Variants in TMEM245 observed in about 807,000 individuals in gnomAD.
The protein encoded by TMEM245 is protein CG-2.
Under a neutral mutation model 101.2 loss-of-function variants are expected in TMEM245, and 69 were observed. The observed-to-expected ratio is 0.68, with a 90% CI of 0.56 to 0.83. The LOEUF (loss-of-function observed/expected upper bound fraction) is 0.83, where lower values mean the gene tolerates loss of function less well. Ranked by LOEUF, TMEM245 falls within the 40% of genes least tolerant of loss-of-function variation. The pLI is 0.00. For missense variants in TMEM245, 1,075 were observed against 1,092.8 expected, an observed-to-expected ratio of 0.98 and a Z score of 0.23; for synonymous variants, 537 against 449.8, an observed-to-expected ratio of 1.19 and a Z score of -2.45.
At chr9:109,085,116 ATTTT>A (rs1218162587) in intron 7 of TMEM245, among the ~76,000 whole-genome samples, 2 of 152,114 alleles carry the variant, frequency 1.3e-5, no homozygotes, top group Admixed American at 1.3e-4. Flanking sequence ...TGAAATTATT[ATTTT>A]TTTAAGAAAC....
intron 12 of TMEM245, among the ~76,000 whole-genome samples, chr9:109,056,041 G>C (rs760475010): frequency 6.6e-6 from 1 of 152,144 alleles, no homozygotes; most frequent in Middle Eastern, 3.2e-3. Context: ...CCATGTTAAA[G>C]GCCCAATATC....
Position 109,038,082 on chromosome 9 carries a change from A to G in TMEM245, c.2159T>C (p.Phe720Ser), listed in dbSNP as rs1828192329. The change falls in exon 15 of 18, where the codon TTC (phenylalanine) becomes TCC (serine). Residue 720 changes from phenylalanine to serine, a missense_variant. Phe to Ser is a radical substitution (Grantham distance 155). Coordinates refer to ENST00000374586, the MANE Select transcript of TMEM245 (RefSeq NM_032012.4). Reference protein sequence around the residue: ...VFDASLKMAGFYGLYTWLTHT... With the variant: ...VFDASLKMAGSYGLYTWLTHT... Reference sequence around the variant, plus strand: ...AGTCAGCCAGGTATACAATCCATAGAAGCCAGCCATTTTGAGGGAAGCATC... The same window carrying G: ...AGTCAGCCAGGTATACAATCCATAGGAGCCAGCCATTTTGAGGGAAGCATC... The G allele has an allele frequency of 6.2e-7, 1 of 1,613,434 alleles. No individual in the cohort carries two copies.
At chr9:109,062,682 C>A (rs1829051229) in intron 10 of TMEM245, among the ~76,000 whole-genome samples, 1 of 152,142 alleles carries the variant, frequency 6.6e-6, no homozygotes, top group Admixed American at 6.6e-5. Context: ...TATAATAAAG[C>A]CATTTGGCCA....
intron 14 of TMEM245, among the ~76,000 whole-genome samples, chr9:109,044,848 C>T (rs1188501438): frequency 6.6e-6 from 1 of 151,664 alleles, no homozygotes; most frequent in Middle Eastern, 3.2e-3. Context: ...CAACCTCCAC[C>T]ACCTGGGTTC....
chr9:109,111,820 T>C (rs2132661476), intron 1 of TMEM245, among the ~76,000 whole-genome samples: 1 of 151,068 alleles, frequency 6.6e-6, no homozygotes, highest in East Asian at 1.9e-4. Flanking sequence ...ATGGTGAAAA[T>C]ATACTCAACA....
chr9:109,054,070 C>T (rs903378001), intron 12 of TMEM245, among the ~76,000 whole-genome samples: 1 of 152,184 alleles, frequency 6.6e-6, no homozygotes, highest in Non-Finnish European at 1.5e-5. Flanking sequence ...GTGGCTCATG[C>T]CTGTAATCCC....
In TMEM245 at chr9:109,067,506, G is replaced by T. The variant is rs542062078; in HGVS notation, c.1533-2939C>A. ...CTCTATCACCTACTACCTACCAAGAGAACAACCCTGATTAAAAACAACTTA... is the reference window on the plus strand; with the variant it reads ...CTCTATCACCTACTACCTACCAAGATAACAACCCTGATTAAAAACAACTTA... On this transcript the variant is annotated intron_variant, in intron 9 of 17. Coordinates refer to ENST00000374586, the MANE Select transcript of TMEM245 (RefSeq NM_032012.4). Among the ~76,000 whole-genome samples, 5 of 152,248 alleles carry T rather than the reference G, an allele frequency of 3.3e-5. 1 individual carries two copies. In the East Asian group the frequency reaches 9.6e-4, roughly 29 times the overall value.
chr9:109,087,038 A>T, intron 6 of TMEM245, 135 bp downstream of exon 6: 1 of 765,058 alleles, frequency 1.3e-6, no homozygotes. Context: ...AATTTTAAAC[A>T]TTAAACTTTC....
At chr9:109,113,616 T>C (rs1352014441) in intron 1 of TMEM245, among the ~76,000 whole-genome samples, 1 of 152,262 alleles carries the variant, frequency 6.6e-6, no homozygotes, top group African/African-American at 2.4e-5. Flanking sequence ...TTCACACGAT[T>C]ATCCACATAT....
intron 3 of TMEM245, among the ~76,000 whole-genome samples, chr9:109,105,478 C>T (rs557100744): frequency 5.3e-4 from 80 of 152,310 alleles, no homozygotes; most frequent in African/African-American, 1.8e-3. Context: ...AATTACCATA[C>T]GACCCAGTAA....
rs190574998 is a variant in TMEM245, at chr9:109,089,226, C to G, written c.1150+1696G>C. Reference sequence around the variant, plus strand: ...TGGTGAATGGGTGACAAAGTGAGACCTTGTCTCAAAAAAAAAAAAAATACA... The same window carrying G: ...TGGTGAATGGGTGACAAAGTGAGACGTTGTCTCAAAAAAAAAAAAAATACA... On this transcript the variant is annotated intron_variant, in intron 5 of 17. Transcript: ENST00000374586. Among the ~76,000 whole-genome samples the G allele has an allele frequency of 5.0e-3, 696 of 140,532 alleles. 5 individuals carry two copies. The highest frequency in any genetic ancestry group is 0.016 in the African/African-American group (671 of 40,982). 92.2% of individuals were successfully genotyped at this position (140,532 alleles called of 152,430 possible).
chr9:109,028,371 T>C (rs1827850022), intron 17 of TMEM245, among the ~76,000 whole-genome samples: 1 of 151,850 alleles, frequency 6.6e-6, no homozygotes, highest in Admixed American at 6.6e-5. Flanking sequence ...GGAGAATCAT[T>C]TGAATCCGGG....
At chr9:109,048,651 A>G (rs915421255) in intron 14 of TMEM245, among the ~76,000 whole-genome samples, 2 of 152,218 alleles carry the variant, frequency 1.3e-5, no homozygotes, top group Non-Finnish European at 2.9e-5. Flanking sequence ...AGTCTTGTTA[A>G]TGAGGAATGA....
chr9:109,034,863 G>A (rs1188092616), intron 16 of TMEM245, among the ~76,000 whole-genome samples: 12 of 151,998 alleles, frequency 7.9e-5, no homozygotes, highest in Admixed American at 7.9e-4. Flanking sequence ...AACGTTTAAA[G>A]ACAGTATTTT....
chr9:109,032,804 G>A (rs1176716010), intron 17 of TMEM245, among the ~76,000 whole-genome samples: 1 of 139,176 alleles, frequency 7.2e-6, no homozygotes, highest in Non-Finnish European at 1.6e-5. Flanking sequence ...ACCCAATATA[G>A]GTCTTTTTTT....
chr9:109,034,424 C>T (rs1030308897), intron 16 of TMEM245, among the ~76,000 whole-genome samples: 6 of 152,158 alleles, frequency 3.9e-5, no homozygotes, highest in Admixed American at 3.3e-4. Context: ...AAACTTCTTC[C>T]CTAAACAACA....
intron 1 of TMEM245, among the ~76,000 whole-genome samples, chr9:109,116,841 T>C (rs1830736310): frequency 1.3e-5 from 2 of 152,106 alleles, no homozygotes; most frequent in South Asian, 2.1e-4. Context: ...ATCAGCACTT[T>C]TGGATAAGAG....
intron 3 of TMEM245, among the ~76,000 whole-genome samples, chr9:109,096,131 C>G (rs941413763): frequency 6.6e-6 from 1 of 152,200 alleles, no homozygotes; most frequent in African/African-American, 2.4e-5. Context: ...TATAGCAGAG[C>G]TGGATGAAGA....
At position 109,020,450 on chromosome 9, in the gene TMEM245, G is replaced by A; in HGVS notation, c.*10C>T. On this transcript the variant is annotated 3_prime_UTR_variant, in exon 18 of 18. Transcript: ENST00000374586. ...AACTTCCTAGAAAAATCACTGCAGAGGAAACCACATCAACCTACTGAAGAT... is the reference window on the plus strand; with the variant it reads ...AACTTCCTAGAAAAATCACTGCAGAAGAAACCACATCAACCTACTGAAGAT... 1 of 1,613,800 alleles carries A rather than the reference G, an allele frequency of 6.2e-7. No individual in the cohort carries two copies.
Sources: gnomAD v4.1 joint callset for allele counts (sites outside exome capture counted in the v4.1 genomes callset) on GRCh38, gnomAD v4.1.1 for gene constraint, MANE v1.5 for transcripts, NCBI Gene and HGNC (gene_info 2026-07-23, HGNC 2026-07-21) for gene names.